The following PDS5A variants were observed in gnomAD, a reference collection of about 807,000 sequenced individuals.
PDS5A encodes the protein PDS5 cohesin associated factor A.
PDS5A carries 42 observed loss-of-function variants against 167.1 expected under a neutral mutation model. The ratio of observed to expected loss-of-function variants is 0.25; its 90% CI spans 0.20 to 0.33. The LOEUF is 0.33. Ranked by LOEUF, PDS5A falls within the 10% of genes least tolerant of loss-of-function variation. The pLI is 1.00. For missense variants in PDS5A, 1,033 were observed against 1,605.9 expected (o/e 0.64, Z 6.10); for synonymous variants, 553 against 554.6 (o/e 1.00, Z 0.04).
intron 17 of PDS5A, among the ~76,000 whole-genome samples, chr4:39,882,060 C>T (rs1425355970): frequency 1.3e-5 from 2 of 152,182 alleles, no homozygotes; most frequent in Non-Finnish European, 2.9e-5. Context: ...CCACGTGGAA[C>T]TGCAAGTTCA....
intron 26 of PDS5A, 124 bp from the exon 27 acceptor site, chr4:39,849,776 T>C (rs1717954704): frequency 1.7e-6 from 1 of 584,110 alleles, no homozygotes; most frequent in Non-Finnish European, 3.0e-6. Flanking sequence ...CCTTAATGAC[T>C]AATATATGTT....
At chr4:39,849,683 G>C (rs371043573) in intron 26 of PDS5A, 31 bp from the exon 27 acceptor site, 1 of 1,528,900 alleles carries the variant, frequency 6.5e-7, no homozygotes, top group African/African-American at 1.4e-5. Flanking sequence ...GAGACTAGAC[G>C]TAGATAGATG....
chr4:39,971,484 G>A (rs895992708), intron 2 of PDS5A, among the ~76,000 whole-genome samples: 1 of 151,508 alleles, frequency 6.6e-6, no homozygotes, highest in African/African-American at 2.4e-5. Flanking sequence ...TAATGAGACA[G>A]AGTCTCACTC....
At chr4:39,929,707 T>C (rs1216134243) in intron 2 of PDS5A, among the ~76,000 whole-genome samples, 1 of 150,576 alleles carries the variant, frequency 6.6e-6, no homozygotes, top group Non-Finnish European at 1.5e-5. Context: ...GCTATATTTT[T>C]ATTCTGCCAA....
chr4:39,976,095 T>G (rs1287813874), intron 2 of PDS5A: 1 of 164,442 alleles, frequency 6.1e-6, no homozygotes, highest in African/African-American at 2.4e-5. Context: ...CTTCAGAAGC[T>G]GAAAATAGTA....
At chr4:39,958,083 G>A (rs1314169197) in intron 2 of PDS5A, among the ~76,000 whole-genome samples, 1 of 151,944 alleles carries the variant, frequency 6.6e-6, no homozygotes, top group African/African-American at 2.4e-5. Context: ...GTAGAGACAG[G>A]GTTTCACCAT....
chr4:39,921,459 G>A (rs775338797), intron 6 of PDS5A, among the ~76,000 whole-genome samples: 17 of 152,026 alleles, frequency 1.1e-4, no homozygotes, highest in Admixed American at 3.3e-4. Context: ...TCTCAAGCCA[G>A]ATGTGGTTGC....
At chr4:39,872,405 C>T (rs1353197632) in intron 21 of PDS5A, among the ~76,000 whole-genome samples, 1 of 152,114 alleles carries the variant, frequency 6.6e-6, no homozygotes, top group Non-Finnish European at 1.5e-5. Flanking sequence ...TGGCTCACAC[C>T]TGTAATCCCA....
At chr4:39,883,032 T>C (rs999380590) in intron 17 of PDS5A, among the ~76,000 whole-genome samples, 4 of 152,136 alleles carry the variant, frequency 2.6e-5, no homozygotes, top group Non-Finnish European at 4.4e-5. Context: ...TACCTAATCT[T>C]CTAACCTCCT....
chr4:39,896,489 G>C (rs1225511230), intron 16 of PDS5A, among the ~76,000 whole-genome samples: 1 of 151,450 alleles, frequency 6.6e-6, no homozygotes, highest in African/African-American at 2.4e-5. Flanking sequence ...TTTTTTGGCT[G>C]CATGTGGTGG....
intron 2 of PDS5A, among the ~76,000 whole-genome samples, chr4:39,930,247 G>GAT (rs1725914090): frequency 3.2e-5 from 2 of 61,952 alleles, no homozygotes; most frequent in Non-Finnish European, 6.5e-5. Context: ...AAAAAAAAAA[G>GAT]TTTTTTTGTT....
At chr4:39,952,511 T>C (rs561447535) in intron 2 of PDS5A, among the ~76,000 whole-genome samples, 1 of 152,238 alleles carries the variant, frequency 6.6e-6, no homozygotes, top group South Asian at 2.1e-4. Context: ...TTTTTTCTAA[T>C]GATGGGCTCA....
intron 9 of PDS5A, among the ~76,000 whole-genome samples, chr4:39,911,051 T>A (rs1723839859): frequency 6.6e-6 from 1 of 152,036 alleles, no homozygotes; most frequent in South Asian, 2.1e-4. Context: ...GAAGGACTGC[T>A]TGAGCCCAGG....
chr4:39,854,338 A>G (rs1017511445), intron 26 of PDS5A, among the ~76,000 whole-genome samples: 21 of 152,190 alleles, frequency 1.4e-4, no homozygotes, highest in Non-Finnish European at 3.1e-4. Context: ...AATGGGAACA[A>G]CAGTAATTAT....
At chr4:39,876,463 C>T (rs56878974) in intron 19 of PDS5A, among the ~76,000 whole-genome samples, 1,613 of 152,206 alleles carry the variant, frequency 0.011, 32 homozygotes, top group African/African-American at 0.037. Flanking sequence ...ATTGCCAATA[C>T]CCTGAACATA....
intron 2 of PDS5A, among the ~76,000 whole-genome samples, chr4:39,952,161 C>A (rs893369413): frequency 2.0e-5 from 3 of 151,886 alleles, no homozygotes; most frequent in East Asian, 3.9e-4. Context: ...GAAACCCTGT[C>A]TCTACTAAAA....
intron 2 of PDS5A, among the ~76,000 whole-genome samples, chr4:39,930,638 ACTT>A (rs1725974153): frequency 6.6e-6 from 1 of 152,142 alleles, no homozygotes; most frequent in African/African-American, 2.4e-5. Context: ...CTGGCTTATA[ACTT>A]CTTAAGACAA....
At chr4:39,961,556 T>C (rs1469639864) in intron 2 of PDS5A, among the ~76,000 whole-genome samples, 1 of 152,182 alleles carries the variant, frequency 6.6e-6, no homozygotes, top group African/African-American at 2.4e-5. Context: ...CCACCGTGCC[T>C]GGCCATCTTT....
At chr4:39,847,068 A>AC (rs1487124233) in intron 28 of PDS5A, 1 of 152,178 alleles carries the variant, frequency 6.6e-6, no homozygotes, top group Non-Finnish European at 1.5e-5. Flanking sequence ...TAAATAAGGA[A>AC]CGTTGCATAC....
Sources: gnomAD v4.1 joint callset for allele counts (sites outside exome capture counted in the v4.1 genomes callset) on GRCh38, gnomAD v4.1.1 for gene constraint, MANE v1.5 for transcripts, NCBI Gene and HGNC (gene_info 2026-07-23, HGNC 2026-07-21) for gene names.